CFAP299: variants seen among roughly 807,000 people sequenced by gnomAD.
CFAP299 encodes cilia- and flagella-associated protein 299.
In CFAP299, 21 loss-of-function variants were observed where a neutral mutation model predicts 27.0. The ratio of observed to expected loss-of-function variants is 0.78; its 90% CI spans 0.55 to 1.12. The LOEUF is 1.12. Among genes scored for constraint, CFAP299 ranks in the 50% most tolerant of loss-of-function variants. The pLI is 0.00. For missense variants in CFAP299, 310 were observed against 276.6 expected (o/e 1.12, Z -0.86); for synonymous variants, 104 against 98.1 (o/e 1.06, Z -0.36).
rs1221822257 is a variant in CFAP299 at position 80,676,604 on chromosome 4, T to A, written c.333+93421T>A. Among the ~76,000 whole-genome samples, 4 of 152,238 alleles carry A rather than the reference T, an allele frequency of 2.6e-5. No homozygotes were observed. In the South Asian group the frequency reaches 8.3e-4, roughly 32 times the overall value. On this transcript the variant is annotated intron_variant, in intron 3 of 5. Transcript: ENST00000358105. ...TCTGGGCTTTTCTCTGAGGAAAGAC[T>A]TTTTTATTATAGCTTCAATTTGATT...
At chr4:80,736,309 GT>G (rs1189755335) in intron 3 of CFAP299, among the ~76,000 whole-genome samples, 2 of 152,072 alleles carry the variant, frequency 1.3e-5, no homozygotes, top group African/African-American at 4.8e-5. Flanking sequence ...TGGCTAGCCA[GT>G]TTTCCCAGCA....
At chr4:80,928,990 G>A (rs1271272863) in intron 4 of CFAP299, among the ~76,000 whole-genome samples, 1 of 152,102 alleles carries the variant, frequency 6.6e-6, no homozygotes, top group East Asian at 1.9e-4. Context: ...GTTCCATAAA[G>A]TCTCTTCACA....
chr4:80,930,122 G>T (rs755172035), intron 4 of CFAP299, among the ~76,000 whole-genome samples: 1 of 152,068 alleles, frequency 6.6e-6, no homozygotes, highest in Non-Finnish European at 1.5e-5. Flanking sequence ...AGGGGCTGAA[G>T]GTTAAGTTCA....
At chr4:80,646,689 C>A (rs1740025983) in intron 3 of CFAP299, among the ~76,000 whole-genome samples, 1 of 152,110 alleles carries the variant, frequency 6.6e-6, no homozygotes, top group Admixed American at 6.5e-5. Context: ...CTTCTCTCAA[C>A]CCTAGATGCC....
intron 2 of CFAP299, among the ~76,000 whole-genome samples, chr4:80,577,692 C>T (rs1012546688): frequency 2.2e-4 from 33 of 152,086 alleles, no homozygotes; most frequent in Admixed American, 3.3e-4. Flanking sequence ...TGAGCCATCA[C>T]GCCCGACCTA....
chr4:80,608,334 T>C, intron 3 of CFAP299: 1 of 1,528,292 alleles, frequency 6.5e-7, no homozygotes, highest in Non-Finnish European at 8.8e-7. Flanking sequence ...TTGTTTAAGC[T>C]AAATCAACAG....
intron 3 of CFAP299, among the ~76,000 whole-genome samples, chr4:80,692,325 T>C (rs935187055): frequency 6.6e-6 from 1 of 152,094 alleles, no homozygotes; most frequent in Non-Finnish European, 1.5e-5. Flanking sequence ...CAAAACAGCA[T>C]GGTACTGGTA....
At chr4:80,901,729 A>G (rs1403883237) in intron 4 of CFAP299, among the ~76,000 whole-genome samples, 1 of 152,100 alleles carries the variant, frequency 6.6e-6, no homozygotes, top group Non-Finnish European at 1.5e-5. Flanking sequence ...ACTGCCAGCA[A>G]TTGGTTCAAT....
chr4:80,792,269 C>T (rs1378185803), intron 3 of CFAP299, among the ~76,000 whole-genome samples: 1 of 152,002 alleles, frequency 6.6e-6, no homozygotes, highest in African/African-American at 2.4e-5. Context: ...GAAGTATTTG[C>T]AGGGGTCAGG....
chr4:80,472,834 T>C (rs1040625126), intron 2 of CFAP299, among the ~76,000 whole-genome samples: 3 of 152,152 alleles, frequency 2.0e-5, no homozygotes, highest in African/African-American at 7.2e-5. Context: ...ATGTTCCTCA[T>C]AGATAATAAT....
intron 2 of CFAP299, among the ~76,000 whole-genome samples, chr4:80,554,612 T>A (rs908841310): frequency 1.3e-5 from 2 of 151,784 alleles, no homozygotes; most frequent in African/African-American, 4.8e-5. Flanking sequence ...TTAATGTTAT[T>A]GATTCTTTCT....
intron 3 of CFAP299, among the ~76,000 whole-genome samples, chr4:80,735,491 A>G (rs1723800968): frequency 6.6e-6 from 1 of 152,148 alleles, no homozygotes; most frequent in South Asian, 2.1e-4. Context: ...AACAGTGGTA[A>G]AAGTGAGCAT....
intron 4 of CFAP299, among the ~76,000 whole-genome samples, chr4:80,875,680 A>G (rs1208101302): frequency 6.6e-6 from 1 of 151,820 alleles, no homozygotes; most frequent in Non-Finnish European, 1.5e-5. Context: ...AAAAAAAAAA[A>G]AAGATCTCTC....
chr4:80,614,424 T>G (rs1030961629), intron 3 of CFAP299, among the ~76,000 whole-genome samples: 1 of 152,158 alleles, frequency 6.6e-6, no homozygotes, highest in African/African-American at 2.4e-5. Flanking sequence ...CTAAGGCACT[T>G]CTATTGAAAA....
intron 4 of CFAP299, among the ~76,000 whole-genome samples, chr4:80,890,658 C>T (rs1734224434): frequency 1.3e-5 from 2 of 149,828 alleles, no homozygotes; most frequent in African/African-American, 5.0e-5. Flanking sequence ...AATGGTTGAA[C>T]TAGTTTACAG....
chr4:80,943,008 A>G (rs1203152229), intron 4 of CFAP299, among the ~76,000 whole-genome samples: 3 of 152,234 alleles, frequency 2.0e-5, no homozygotes, highest in Admixed American at 6.5e-5. Context: ...CATCTGCTGC[A>G]ATCACTCCAC....
At chr4:80,328,033 C>T in the CFAP299 span, among the ~76,000 whole-genome samples, 1 of 151,768 alleles carries the variant, frequency 6.6e-6, no homozygotes, top group African/African-American at 2.4e-5. Context: ...CAAGTAGAGC[C>T]ACATCCCTAT....
intron 3 of CFAP299, among the ~76,000 whole-genome samples, chr4:80,586,082 T>C (rs902429299): frequency 6.6e-6 from 1 of 152,152 alleles, no homozygotes; most frequent in African/African-American, 2.4e-5. Context: ...AGTTCCAGAC[T>C]CACTGCCTAC....
chr4:80,334,363 G>A (rs1722044259), upstream of CFAP299, among the ~76,000 whole-genome samples: 1 of 152,108 alleles, frequency 6.6e-6, no homozygotes, highest in Non-Finnish European at 1.5e-5. Context: ...TAAAAGTGAT[G>A]AAATCTTGAT....
Sources: allele counts gnomAD v4.1 joint callset (sites outside exome capture counted in the v4.1 genomes callset), GRCh38; gene constraint gnomAD v4.1.1; transcripts MANE v1.5; gene names NCBI Gene and HGNC (gene_info 2026-07-23, HGNC 2026-07-21).